The following RARB variants were observed in gnomAD, a reference collection of about 807,000 sequenced individuals.
RARB encodes the protein retinoic acid receptor beta.
Under a neutral mutation model 51.9 loss-of-function variants are expected in RARB, and 17 were observed. The ratio of observed to expected loss-of-function variants is 0.33; its 90% CI spans 0.22 to 0.49. RARB has a LOEUF of 0.49. Ranked by LOEUF, RARB falls within the 20% of genes least tolerant of loss-of-function variation. The pLI, the probability that RARB is intolerant of heterozygous loss-of-function variation, is 0.99. For missense variants in RARB, 369 were observed against 550.8 expected (o/e 0.67, Z 3.30); for synonymous variants, 215 against 195.4 (o/e 1.10, Z -0.84).
intron 2 of RARB, among the ~76,000 whole-genome samples, chr3:25,464,452 C>T (rs1268420121): frequency 6.6e-6 from 1 of 152,114 alleles, no homozygotes; most frequent in Admixed American, 6.5e-5. Context: ...GAGCTATAAA[C>T]CCAATAAGGT....
chr3:25,174,518 C>T (rs772989046), exon 5 of RARB: 6 of 1,352,144 alleles, frequency 4.4e-6, no homozygotes, highest in Non-Finnish European at 5.9e-6. Context: ...CCTGCCTCCC[C>T]TCCATGGCCT....
At chr3:24,864,449 T>G (rs1183090748) in intron 2 of RARB, among the ~76,000 whole-genome samples, 1 of 152,226 alleles carries the variant, frequency 6.6e-6, no homozygotes, top group Non-Finnish European at 1.5e-5. Context: ...CAATGTTGTT[T>G]GCACATGCCA....
At chr3:25,195,190 AT>A (rs547540004) in intron 5 of RARB, among the ~76,000 whole-genome samples, 48 of 150,668 alleles carry the variant, frequency 3.2e-4, no homozygotes, top group South Asian at 8.4e-4. Flanking sequence ...TTGTTATGAA[AT>A]TTTTTTTTTC....
chr3:25,555,342 C>T (rs1459019084), intron 3 of RARB, among the ~76,000 whole-genome samples: 1 of 152,194 alleles, frequency 6.6e-6, no homozygotes, highest in Non-Finnish European at 1.5e-5. Flanking sequence ...CCCTGTCGAT[C>T]TTTCTCTCTT....
At chr3:25,356,968 TA>T (rs772196965) in intron 5 of RARB, among the ~76,000 whole-genome samples, 3 of 152,220 alleles carry the variant, frequency 2.0e-5, no homozygotes, top group Admixed American at 6.5e-5. Flanking sequence ...AGTGCTGCAA[TA>T]AACATACGTG....
chr3:25,109,285 T>G (rs951780707), intron 3 of RARB, among the ~76,000 whole-genome samples: 46 of 152,184 alleles, frequency 3.0e-4, no homozygotes, highest in African/African-American at 1.1e-3. Context: ...ACCTTTGCAT[T>G]TTTTGGTTTT....
At chr3:25,326,253 G>T (rs1190423716) in intron 5 of RARB, among the ~76,000 whole-genome samples, 2 of 152,198 alleles carry the variant, frequency 1.3e-5, no homozygotes, top group Non-Finnish European at 2.9e-5. Flanking sequence ...GTCAAAAGTG[G>T]GAGGGAGGCT....
At chr3:24,945,400 G>T (rs4858667) in intron 2 of RARB, among the ~76,000 whole-genome samples, 71,211 of 152,016 alleles carry the variant, frequency 0.47, 17,293 homozygotes, top group East Asian at 0.66. Context: ...TGTGTGAGAA[G>T]GCACACATGC....
At chr3:25,289,462 T>C (rs1441977102) in intron 5 of RARB, among the ~76,000 whole-genome samples, 2 of 152,216 alleles carry the variant, frequency 1.3e-5, no homozygotes, top group Non-Finnish European at 2.9e-5. Context: ...GTCTTTATTG[T>C]GTTCTTGTAT....
intron 2 of RARB, among the ~76,000 whole-genome samples, chr3:25,471,688 G>T (rs1042110538): frequency 6.6e-6 from 1 of 151,826 alleles, no homozygotes; most frequent in Non-Finnish European, 1.5e-5. Flanking sequence ...ATGGTTAAAC[G>T]TTCAGGAATG....
intron 5 of RARB, among the ~76,000 whole-genome samples, chr3:25,200,300 TC>T (rs1478025242): frequency 6.6e-6 from 1 of 151,266 alleles, no homozygotes; most frequent in East Asian, 1.9e-4. Flanking sequence ...TTTTTTTTTT[TC>T]TTGTAAATTT....
intron 2 of RARB, among the ~76,000 whole-genome samples, chr3:24,910,292 G>T (rs1262830526): frequency 6.6e-6 from 1 of 152,124 alleles, no homozygotes; most frequent in African/African-American, 2.4e-5. Flanking sequence ...TCCCTTCAAA[G>T]ACTTTCAAGT....
At chr3:25,052,999 T>C (rs1046882931) in intron 2 of RARB, among the ~76,000 whole-genome samples, 1 of 152,166 alleles carries the variant, frequency 6.6e-6, no homozygotes, top group African/African-American at 2.4e-5. Context: ...AATAGCATGT[T>C]TATAGTTTGG....
At chr3:25,525,015 C>T (rs754144420) in intron 3 of RARB, among the ~76,000 whole-genome samples, 1 of 152,090 alleles carries the variant, frequency 6.6e-6, no homozygotes, top group Non-Finnish European at 1.5e-5. Flanking sequence ...AGGCTTGAGC[C>T]ACCACGTCCA....
chr3:25,152,253 G>A (rs1700299537), intron 4 of RARB, among the ~76,000 whole-genome samples: 1 of 152,104 alleles, frequency 6.6e-6, no homozygotes, highest in Non-Finnish European at 1.5e-5. Flanking sequence ...GAATTGCTGT[G>A]CTTTCAACTC....
intron 2 of RARB, among the ~76,000 whole-genome samples, chr3:25,466,547 G>A (rs975631881): frequency 1.3e-5 from 2 of 152,188 alleles, no homozygotes; most frequent in Non-Finnish European, 2.9e-5. Flanking sequence ...ACACAGTGAT[G>A]TAACATCAAT....
chr3:25,426,710 A>T (rs1365832146), upstream of RARB, among the ~76,000 whole-genome samples: 2 of 152,228 alleles, frequency 1.3e-5, no homozygotes, highest in Non-Finnish European at 2.9e-5. Context: ...GAGGCAGTGG[A>T]GAAAAAAGGG....
At chr3:25,295,484 A>G (rs1703894440) in intron 5 of RARB, among the ~76,000 whole-genome samples, 2 of 152,166 alleles carry the variant, frequency 1.3e-5, no homozygotes, top group Admixed American at 1.3e-4. Context: ...TGTGAGCAAT[A>G]ATTTTCCATT....
chr3:25,197,391 T>C (rs990512201), intron 5 of RARB, among the ~76,000 whole-genome samples: 1 of 152,252 alleles, frequency 6.6e-6, no homozygotes, highest in African/African-American at 2.4e-5. Context: ...TGTGGTGTTA[T>C]TTCTGAGGCC....
Sources: gnomAD v4.1 joint callset for allele counts (sites outside exome capture counted in the v4.1 genomes callset) on GRCh38, gnomAD v4.1.1 for gene constraint, MANE v1.5 for transcripts, NCBI Gene and HGNC (gene_info 2026-07-23, HGNC 2026-07-21) for gene names.